The following TNRC6A variants were observed in gnomAD, a reference collection of about 807,000 sequenced individuals.
The protein encoded by TNRC6A is trinucleotide repeat-containing gene 6A protein.
Under a neutral mutation model 221.2 loss-of-function variants are expected in TNRC6A, and 44 were observed. That is an observed-to-expected ratio of 0.20 (90% CI 0.16 to 0.26). The LOEUF is 0.26. Among genes scored for constraint, TNRC6A ranks in the 10% least tolerant of loss-of-function variants. TNRC6A has a pLI of 1.00. For synonymous variants in TNRC6A, 847 were observed against 838.5 expected, an observed-to-expected ratio of 1.01 and a Z score of -0.18; for missense variants, 2,199 against 2,404.4, an observed-to-expected ratio of 0.91 and a Z score of 1.79.
chr16:24,724,815 G>GA (rs911540834), upstream of TNRC6A, among the ~76,000 whole-genome samples: 1 of 151,918 alleles, frequency 6.6e-6, no homozygotes, highest in African/African-American at 2.4e-5. Context: ...ACATTACTGT[G>GA]AAAAAATTTT....
chr16:24,708,484 G>A (rs1326409458), intron 2 of TNRC6A, among the ~76,000 whole-genome samples: 4 of 151,964 alleles, frequency 2.6e-5, no homozygotes, highest in Non-Finnish European at 4.4e-5. Context: ...TTGGTGATCC[G>A]CCAGTCTCGG....
At position 24,804,422 on chromosome 16, in the gene TNRC6A, CA is replaced by C. The variant is rs567379786; in HGVS notation, c.3837+105del. ...ACCTTTTATATAATATAAAGTGTTA[CA>C]ATCCACTACCAAATCTTATTACTGG... is the stretch of plus-strand genomic sequence containing the variant. On this transcript the variant is annotated intron_variant, in intron 12 of 24. Coordinates refer to ENST00000395799, the MANE Select transcript of TNRC6A (RefSeq NM_014494.4). The C allele has an allele frequency of 2.4e-4, 318 of 1,317,230 alleles. 2 individuals are homozygous for C. In the East Asian group the frequency reaches 7.9e-3, roughly 33 times the overall value. The allele number at this position is 1,317,230 out of a possible 1,614,324, so 81.6% of individuals were successfully genotyped here.
intron 4 of TNRC6A, among the ~76,000 whole-genome samples, chr16:24,770,798 A>C (rs1335353525): frequency 6.6e-6 from 1 of 152,168 alleles, no homozygotes; most frequent in African/African-American, 2.4e-5. Flanking sequence ...CCAGAACCAT[A>C]TATTCAGTTG....
chr16:24,703,137 A>T (rs990843245), intron 2 of TNRC6A, among the ~76,000 whole-genome samples: 1 of 152,156 alleles, frequency 6.6e-6, no homozygotes, highest in African/African-American at 2.4e-5. Context: ...CACCACAATC[A>T]ATTTTAGAAT....
intron 2 of TNRC6A, among the ~76,000 whole-genome samples, chr16:24,713,449 CAAAA>C (rs1054244436): frequency 5.1e-5 from 4 of 77,826 alleles, no homozygotes; most frequent in Non-Finnish European, 7.8e-5. Flanking sequence ...AACAAACAAA[CAAAA>C]AAATATATAT....
chr16:24,702,362 G>T (rs1301589676), intron 2 of TNRC6A, among the ~76,000 whole-genome samples: 1 of 151,340 alleles, frequency 6.6e-6, no homozygotes, highest in African/African-American at 2.4e-5. Context: ...ATTTTTTGTA[G>T]AGATGAGATC....
intron 4 of TNRC6A, among the ~76,000 whole-genome samples, chr16:24,768,212 A>G (rs944362334): frequency 6.6e-6 from 1 of 152,018 alleles, no homozygotes; most frequent in Non-Finnish European, 1.5e-5. Context: ...CGGGCGGACC[A>G]CGAGGTCAGG....
At chr16:24,728,780 C>A (rs1328950411), upstream of TNRC6A, among the ~76,000 whole-genome samples, 1 of 152,196 alleles carries the variant, frequency 6.6e-6, no homozygotes, top group African/African-American at 2.4e-5. Flanking sequence ...TACATATATA[C>A]ATATCTTAGT....
At chr16:24,647,512 A>G (rs1040977424) in intron 2 of TNRC6A, among the ~76,000 whole-genome samples, 1 of 152,176 alleles carries the variant, frequency 6.6e-6, no homozygotes, top group African/African-American at 2.4e-5. Flanking sequence ...AAAATTTACT[A>G]TTTTAATCAT....
intron 4 of TNRC6A, chr16:24,776,368 T>C: frequency 1.0e-6 from 1 of 985,404 alleles, no homozygotes; most frequent in Non-Finnish European, 1.2e-6. Context: ...TCTGAGTTTG[T>C]CTTATATGAT....
intron 4 of TNRC6A, among the ~76,000 whole-genome samples, chr16:24,770,387 G>T (rs1214231251): frequency 2.0e-5 from 3 of 152,114 alleles, no homozygotes; most frequent in Non-Finnish European, 4.4e-5. Flanking sequence ...AGTGGGTGGG[G>T]CAGGGATCAA....
intron 4 of TNRC6A, chr16:24,776,542 A>G: frequency 1.0e-6 from 1 of 985,494 alleles, no homozygotes. Flanking sequence ...AACAGTTGCC[A>G]AGGAATAGAG....
Position 24,809,436 on chromosome 16 carries a change from A to G in TNRC6A, c.4627A>G (p.Ser1543Gly). 6 of 1,599,720 alleles carry G rather than the reference A, an allele frequency of 3.8e-6. No homozygotes were observed. The highest frequency in any genetic ancestry group is 4.3e-6 in the Non-Finnish European group (5 of 1,171,268). Residue 1543 changes from serine (S) to glycine (G), a missense_variant, in exon 18 of 25, where the codon AGC (serine) becomes GGC (glycine). By Grantham distance (56) the Ser-to-Gly change is moderately conservative (BLOSUM62 0). Coordinates refer to ENST00000395799, the MANE Select transcript of TNRC6A (RefSeq NM_014494.4). ...ACTAAGGAAGTGGACGACAGTGGAC[A>G]GCATTTCTGTGAACACATCTTTGGA... Reference protein sequence around the residue: ...SRLRKWTTVDSISVNTSLDQN... With the variant: ...SRLRKWTTVDGISVNTSLDQN...
intron 2 of TNRC6A, among the ~76,000 whole-genome samples, chr16:24,736,404 T>C (rs1310846584): frequency 6.6e-6 from 1 of 152,220 alleles, no homozygotes; most frequent in African/African-American, 2.4e-5. Context: ...CTGGTCCCTA[T>C]TCAGATTTTC....
intron 1 of TNRC6A, among the ~76,000 whole-genome samples, chr16:24,619,248 C>T (rs1401403913): frequency 1.3e-5 from 2 of 152,098 alleles, no homozygotes; most frequent in Non-Finnish European, 2.9e-5. Context: ...AGAAAATTCA[C>T]CTATTATCAT....
chr16:24,783,329 A>G (rs1437949458), intron 5 of TNRC6A, among the ~76,000 whole-genome samples: 3 of 152,022 alleles, frequency 2.0e-5, no homozygotes, highest in Admixed American at 6.5e-5. Flanking sequence ...GGATTTCACT[A>G]TGTTGGCCAG....
chr16:24,657,480 C>T (rs552166251), intron 2 of TNRC6A, among the ~76,000 whole-genome samples: 4 of 151,986 alleles, frequency 2.6e-5, no homozygotes, highest in Admixed American at 1.3e-4. Context: ...GAGGCCGAGG[C>T]GGGTGGATCA....
At position 24,615,443 on chromosome 16, in the gene TNRC6A, G is replaced by A. The variant is rs146157284; in HGVS notation, n.276+4959G>A. Among the ~76,000 whole-genome samples, 5 of 152,256 alleles carry A rather than the reference G, an allele frequency of 3.3e-5. No individual in the cohort carries two copies. The East Asian group carries it at 9.7e-4, about 29-fold the overall frequency. On this transcript the variant is annotated intron_variant and non_coding_transcript_variant, in intron 1 of 2. Transcript: ENST00000566108. ...TGGAGACCAGCTGAGATCACTTAGA[G>A]AGTGTAAAGAGAGAAATCAAAGAGA...
At chr16:24,704,006 C>T (rs1042037270) in intron 2 of TNRC6A, among the ~76,000 whole-genome samples, 3 of 151,434 alleles carry the variant, frequency 2.0e-5, no homozygotes, top group Non-Finnish European at 4.4e-5. Context: ...ATCACTTGAG[C>T]CCAGGAGGTC....
Sources: gnomAD v4.1 joint callset for allele counts (sites outside exome capture counted in the v4.1 genomes callset) on GRCh38, gnomAD v4.1.1 for gene constraint, MANE v1.5 for transcripts, NCBI Gene and HGNC (gene_info 2026-07-23, HGNC 2026-07-21) for gene names.